UBE2N: variants seen among roughly 807,000 people sequenced by gnomAD.
UBE2N encodes the protein ubiquitin-conjugating enzyme E2 N.
For synonymous variants in UBE2N, 70 were observed against 69.2 expected, an observed-to-expected ratio of 1.01 and a Z score of -0.06; for missense variants, 60 against 192.1, an observed-to-expected ratio of 0.31 and a Z score of 4.07.
chr12:93,426,168 A>G (rs1878576363), intron 1 of UBE2N, among the ~76,000 whole-genome samples: 1 of 152,178 alleles, frequency 6.6e-6, no homozygotes, highest in African/African-American at 2.4e-5. Context: ...TGATCCAGAC[A>G]ACTCAGATTT....
intron 1 of UBE2N, among the ~76,000 whole-genome samples, chr12:93,421,974 A>G (rs1054348874): frequency 7.9e-5 from 12 of 152,266 alleles, no homozygotes; most frequent in African/African-American, 2.9e-4. Flanking sequence ...GGTGTGAGTT[A>G]GGATACTATT....
Position 93,406,275 on chromosome 12 carries a change from C to CGAAAAAAAAAAA in UBE2N, c.*3763_*3764insTTTTTTTTTTTC. On this transcript the variant is annotated 3_prime_UTR_variant, in exon 4 of 4. Coordinates refer to ENST00000318066, the MANE Select transcript of UBE2N (RefSeq NM_003348.4). Reference sequence around the variant, plus strand: ...AGAGCTAGAAAGTGGCTAGAGCAGCCAAAAAAAAAAAAAAAAAAAAAAAAA... The same window carrying CGAAAAAAAAAAA: ...AGAGCTAGAAAGTGGCTAGAGCAGCCGAAAAAAAAAAAAAAAAAAAAAAAAAAAAAAAAAAAA... 1 of 37,990 alleles carries CGAAAAAAAAAAA rather than the reference C, an allele frequency of 2.6e-5. No homozygotes were observed. Among genetic ancestry groups the CGAAAAAAAAAAA allele is most frequent in the South Asian group, 1.8e-3 (1 of 570 alleles). 2.4% of individuals were successfully genotyped at this position (37,990 alleles called of 1,614,324 possible).
intron 1 of UBE2N, among the ~76,000 whole-genome samples, chr12:93,421,214 G>A (rs1472788534): frequency 7.1e-6 from 1 of 141,470 alleles, no homozygotes; most frequent in African/African-American, 2.7e-5. Flanking sequence ...TTTTGGGGGG[G>A]CTGGGGGGAC....
chr12:93,417,220 C>T (rs1878245772), intron 1 of UBE2N, among the ~76,000 whole-genome samples: 1 of 152,150 alleles, frequency 6.6e-6, no homozygotes, highest in Admixed American at 6.5e-5. Context: ...TAAAAGGAAT[C>T]AAATATCACA....
chr12:93,436,783 A>C (rs1878946907), intron 1 of UBE2N, among the ~76,000 whole-genome samples: 1 of 152,234 alleles, frequency 6.6e-6, no homozygotes, highest in South Asian at 2.1e-4. Context: ...ATTGGCTAAA[A>C]GAGCTTTGGT....
chr12:93,415,232 A>T (rs1398676277), intron 1 of UBE2N, among the ~76,000 whole-genome samples: 1 of 152,224 alleles, frequency 6.6e-6, no homozygotes, highest in East Asian at 1.9e-4. Context: ...AATACATCAT[A>T]AACTGTTTCA....
chr12:93,410,928 C>G, intron 2 of UBE2N, 54 bp from the exon 3 acceptor site: 1 of 1,613,994 alleles, frequency 6.2e-7, no homozygotes, highest in Non-Finnish European at 8.5e-7. Context: ...AGGCCCAGAA[C>G]TGCTTCACTT....
At chr12:93,429,751 T>C (rs1878702448) in intron 1 of UBE2N, among the ~76,000 whole-genome samples, 1 of 151,970 alleles carries the variant, frequency 6.6e-6, no homozygotes, top group Admixed American at 6.6e-5. Flanking sequence ...AATATGTGTG[T>C]GTATGTCTTA....
At chr12:93,427,506 C>T (rs1227628927) in intron 1 of UBE2N, among the ~76,000 whole-genome samples, 1 of 152,138 alleles carries the variant, frequency 6.6e-6, no homozygotes, top group Non-Finnish European at 1.5e-5. Flanking sequence ...AAAGAAAAGG[C>T]CACATATTGT....
At chr12:93,430,932 TAA>T (rs1234568334) in intron 1 of UBE2N, among the ~76,000 whole-genome samples, 1 of 137,272 alleles carries the variant, frequency 7.3e-6, no homozygotes, top group Non-Finnish European at 1.6e-5. Flanking sequence ...GACCCTATCT[TAA>T]AAAAAAAAAC....
chr12:93,434,357 A>G (rs1021760109), intron 1 of UBE2N, among the ~76,000 whole-genome samples: 2 of 152,252 alleles, frequency 1.3e-5, no homozygotes, highest in Non-Finnish European at 2.9e-5. Context: ...AAACTTGAGC[A>G]AAGCAAATGC....
At chr12:93,439,951 G>T (rs1392177589) in intron 1 of UBE2N, among the ~76,000 whole-genome samples, 1 of 152,140 alleles carries the variant, frequency 6.6e-6, no homozygotes, top group East Asian at 1.9e-4. Flanking sequence ...GTGCCAAATG[G>T]ATTGAATCAT....
chr12:93,410,602 T>A, intron 3 of UBE2N, 132 bp downstream of exon 3: 1 of 1,352,140 alleles, frequency 7.4e-7, no homozygotes, highest in Non-Finnish European at 1.0e-6. Context: ...CGTATTTACA[T>A]ACTATAAGCA....
intron 1 of UBE2N, among the ~76,000 whole-genome samples, chr12:93,415,273 C>T (rs1259001754): frequency 6.6e-6 from 1 of 152,008 alleles, no homozygotes; most frequent in African/African-American, 2.4e-5. Flanking sequence ...ACGTTAAAAA[C>T]AACAACAACA....
intron 1 of UBE2N, among the ~76,000 whole-genome samples, chr12:93,426,833 G>A (rs1366787277): frequency 1.3e-5 from 2 of 152,096 alleles, no homozygotes; most frequent in Admixed American, 6.5e-5. Flanking sequence ...TGCGAGAGAC[G>A]ACAGTGCTGT....
chr12:93,420,968 C>A (rs28641961), intron 1 of UBE2N, among the ~76,000 whole-genome samples: 12,408 of 152,086 alleles, frequency 0.082, 1,599 homozygotes, highest in African/African-American at 0.28. Flanking sequence ...CCCAGATATA[C>A]AGAGAATCAA....
chr12:93,423,217 C>T lies in UBE2N; in HGVS notation c.31-11918G>A, dbSNP rs186121255. Among the ~76,000 whole-genome samples, 14 of 152,352 alleles carry T rather than the reference C, an allele frequency of 9.2e-5. No homozygotes were observed. In the East Asian group the frequency reaches 2.7e-3, roughly 29 times the overall value. ...GATTCTGAAGTTTGTTCCTGGCTCC[C>T]TCTTTTCTTTGGCCCTCCTGAAGAA... On this transcript the variant is annotated intron_variant, in intron 1 of 3. Transcript: ENST00000318066.
chr12:93,433,070 C>T (rs1387769629), intron 1 of UBE2N, among the ~76,000 whole-genome samples: 1 of 151,532 alleles, frequency 6.6e-6, no homozygotes, highest in Non-Finnish European at 1.5e-5. Context: ...CTAGCTGGGA[C>T]TACAGGCACC....
intron 1 of UBE2N, among the ~76,000 whole-genome samples, chr12:93,426,307 A>T (rs1878580797): frequency 6.6e-6 from 1 of 151,902 alleles, no homozygotes; most frequent in South Asian, 2.1e-4. Flanking sequence ...AAAGAATGCG[A>T]CAATACATTC....
Sources: allele counts gnomAD v4.1 joint callset (sites outside exome capture counted in the v4.1 genomes callset), GRCh38; gene constraint gnomAD v4.1.1; transcripts MANE v1.5; gene names NCBI Gene and HGNC (gene_info 2026-07-23, HGNC 2026-07-21).